The following TTC13 variants were observed in gnomAD, a reference collection of about 807,000 sequenced individuals.
TTC13 encodes tetratricopeptide repeat domain 13, also known as tetratricopeptide repeat protein 13.
A neutral mutation model predicts 120.0 loss-of-function variants in TTC13; 62 were observed. That is an observed-to-expected ratio of 0.52 (90% CI 0.42 to 0.64). The LOEUF (loss-of-function observed/expected upper bound fraction) is 0.64. TTC13 is among the 30% of genes least tolerant of loss of function. The pLI, the probability that TTC13 is intolerant of heterozygous loss-of-function variation, is 0.00. For missense variants in TTC13, 824 were observed against 1,050.2 expected (o/e 0.78, Z 2.98); for synonymous variants, 384 against 393.5 (o/e 0.98, Z 0.28).
At position 230,939,553 on chromosome 1, in the gene TTC13, T is replaced by C. The variant is rs1674367388; in HGVS notation, c.790-57A>G. ...ATAGTATTCATTAGATATGTGAACA[T>C]TTCCTAATTTTTGGCTGGTAGAGAA... On this transcript the variant is annotated intron_variant, in intron 7 of 22. Transcript: ENST00000366661. 3 of 1,194,218 alleles carry C rather than the reference T, an allele frequency of 2.5e-6. No individual in the cohort carries two copies. The East Asian group carries it at 7.2e-5, about 29-fold the overall frequency. The allele number at this position is 1,194,218 out of a possible 1,614,324, so 74.0% of individuals were successfully genotyped here.
intron 5 of TTC13, 132 bp downstream of exon 5, chr1:230,945,257 A>G: frequency 2.4e-6 from 2 of 832,148 alleles, no homozygotes; most frequent in Non-Finnish European, 2.0e-6. Flanking sequence ...CCATTTTCTC[A>G]TCTGTGAACT....
rs932489070 is a variant in TTC13, at chr1:230,942,763, T to C, written c.672+1043A>G. On this transcript the variant is annotated intron_variant, in intron 6 of 22. Transcript: ENST00000366661. The surrounding 1 kb of genome is among the most constrained non-coding windows in gnomAD (Gnocchi z 4.0). ...ATGCCTTTGTACAGACTCTCTTCCC[T>C]GCGCTGAACACTCTCCTCCATCTTG... Among the ~76,000 whole-genome samples the C allele has an allele frequency of 6.6e-6, 1 of 152,198 alleles. No homozygotes were observed. Among genetic ancestry groups the C allele is most frequent in the Non-Finnish European group, 1.5e-5 (1 of 68,012 alleles).
intron 1 of TTC13, among the ~76,000 whole-genome samples, chr1:230,962,947 G>A (rs768854258): frequency 1.3e-5 from 2 of 152,196 alleles, no homozygotes; most frequent in African/African-American, 4.8e-5. Context: ...AGGGACTAGG[G>A]AGAAACTGCT....
chr1:230,967,438 G>A (rs1677234505), intron 1 of TTC13, among the ~76,000 whole-genome samples: 1 of 151,882 alleles, frequency 6.6e-6, no homozygotes, highest in Non-Finnish European at 1.5e-5. Flanking sequence ...AATCAGGAGA[G>A]CTTGCTGACC....
chr1:230,917,405 C>T (rs1672138142), intron 17 of TTC13, among the ~76,000 whole-genome samples: 1 of 152,126 alleles, frequency 6.6e-6, no homozygotes, highest in African/African-American at 2.4e-5. Context: ...GCGTTACTTG[C>T]TAATAAACCG....
chr1:230,978,734 C>CAG lies in TTC13; in HGVS notation c.96_97insCT (p.Gly33LeufsTer64), dbSNP rs1678656729. 7.0e-7 allele frequency: 1 copy of CAG among 1,429,442 alleles called. No individual in the cohort carries two copies. Among genetic ancestry groups the CAG allele is most frequent in the Non-Finnish European group, 9.2e-7 (1 of 1,081,216 alleles). The allele number at this position is 1,429,442 out of a possible 1,614,324, so 88.5% of individuals were successfully genotyped here. A position where few individuals can be genotyped will look rare whatever the true frequency, so the allele number is the denominator to read the frequency against. ...GGCCGCAGCCCGGCGGACAGGACCC[C>CAG]CAGCAGCAGCAGCAGCAGGACACGC... is the stretch of plus-strand genomic sequence containing the variant. On this transcript the variant is annotated frameshift_variant, in exon 1 of 23. Transcript: ENST00000366661. LOFTEE classifies it high-confidence loss of function. The surrounding 1 kb of genome is among the most constrained non-coding windows in gnomAD (Gnocchi z 5.6).
At chr1:230,910,983 CTT>C (rs1455700500) in intron 20 of TTC13, among the ~76,000 whole-genome samples, 1 of 152,138 alleles carries the variant, frequency 6.6e-6, no homozygotes, top group Non-Finnish European at 1.5e-5. Flanking sequence ...AGTCATAGCT[CTT>C]GTTTTAATGA....
In TTC13 at chr1:230,940,665, C is replaced by G; in HGVS notation, c.673-109G>C. 1 of 724,672 alleles carries G rather than the reference C, an allele frequency of 1.4e-6. No individual in the cohort carries two copies. Among genetic ancestry groups the G allele is most frequent in the Non-Finnish European group, 2.4e-6 (1 of 417,294 alleles). The allele number at this position is 724,672 out of a possible 1,614,324, so 44.9% of individuals were successfully genotyped here. ...CACCATACTCCACTCAAAAATTACT[C>G]TCAGCAGGCTGCAATCCTTGACCCC... is the stretch of plus-strand genomic sequence containing the variant. On this transcript the variant is annotated intron_variant, in intron 6 of 22. Coordinates refer to ENST00000366661, the MANE Select transcript of TTC13 (RefSeq NM_024525.5). This position sits in a 1 kb window ranked among gnomAD's most constrained non-coding sequence, Gnocchi z 4.1.
intron 2 of TTC13, 21 bp from the exon 3 acceptor site, chr1:230,958,320 A>AC: frequency 7.2e-7 from 1 of 1,380,004 alleles, no homozygotes; most frequent in Non-Finnish European, 1.0e-6. Flanking sequence ...AAAAAAAAAA[A>AC]CCCATACATT....
chr1:230,913,738 C>T (rs914751260), intron 18 of TTC13, among the ~76,000 whole-genome samples: 12 of 152,174 alleles, frequency 7.9e-5, no homozygotes, highest in Admixed American at 3.9e-4. Context: ...TAGAGAAAAG[C>T]AGGAAAGGTC....
intron 1 of TTC13, among the ~76,000 whole-genome samples, chr1:230,974,935 T>G (rs1460648184): frequency 6.6e-6 from 1 of 152,232 alleles, no homozygotes; most frequent in Non-Finnish European, 1.5e-5. Flanking sequence ...GTTATAGGAC[T>G]TCATCATTAA....
intron 4 of TTC13, among the ~76,000 whole-genome samples, chr1:230,947,121 C>T (rs79130240): frequency 0.033 from 4,986 of 151,904 alleles, 125 homozygotes; most frequent in South Asian, 0.09. Context: ...TTAAGTAATA[C>T]ATGTTTCCCT....
intron 4 of TTC13, among the ~76,000 whole-genome samples, chr1:230,949,708 C>T (rs528337044): frequency 2.0e-5 from 3 of 152,190 alleles, no homozygotes; most frequent in South Asian, 2.1e-4. Flanking sequence ...TGCAGTGGCG[C>T]GATCTTGGCT....
At chr1:230,949,579 C>T (rs995875666) in intron 4 of TTC13, among the ~76,000 whole-genome samples, 3 of 151,206 alleles carry the variant, frequency 2.0e-5, no homozygotes, top group Non-Finnish European at 4.4e-5. Flanking sequence ...TACTACAGCA[C>T]TGAATTGATT....
At chr1:230,957,303 G>A (rs544623945) in intron 3 of TTC13, among the ~76,000 whole-genome samples, 5 of 152,264 alleles carry the variant, frequency 3.3e-5, no homozygotes, top group South Asian at 2.1e-4. Context: ...AGCCAGGCAC[G>A]GTGGTGTGCA....
At chr1:230,935,684 G>T (rs1030868488) in intron 8 of TTC13, among the ~76,000 whole-genome samples, 19 of 152,078 alleles carry the variant, frequency 1.2e-4, no homozygotes, top group African/African-American at 4.3e-4. Context: ...AGTGAGGACT[G>T]GGGGGCTTCA....
intron 12 of TTC13, 150 bp from the exon 13 acceptor site, chr1:230,925,797 C>T: frequency 1.2e-6 from 1 of 800,106 alleles, no homozygotes; most frequent in South Asian, 1.7e-5. Context: ...TGCACCCAAC[C>T]ATACCTCAGC....
Position 230,928,950 on chromosome 1 carries a change from G to C in TTC13, c.1444C>G (p.Gln482Glu). Reference sequence around the variant, plus strand: ...TAAAGCACTTACTTTATGTGGGGTTGCAACCCTGGCTGCTCTTCGTAGTCT... The same window carrying C: ...TAAAGCACTTACTTTATGTGGGGTTCCAACCCTGGCTGCTCTTCGTAGTCT... ...IEDYEEQPGLQPHIKDVLHQN... is the reference protein window; with the variant it reads ...IEDYEEQPGLEPHIKDVLHQN... Residue 482 changes from glutamine to glutamate, a missense_variant, in exon 12 of 23, where the codon CAA becomes GAA. Around this residue, in one of 4 missense-constraint regions of TTC13, gnomAD observed 430 missense variants for 626.8 expected, o/e 0.69. Coordinates refer to ENST00000366661, the MANE Select transcript of TTC13 (RefSeq NM_024525.5). 1 of 1,613,876 alleles carries C rather than the reference G, an allele frequency of 6.2e-7. No individual in the cohort carries two copies. Among genetic ancestry groups the C allele is most frequent in the Non-Finnish European group, 8.5e-7 (1 of 1,179,926 alleles).
In TTC13 at chr1:230,978,805, C is replaced by G; in HGVS notation, c.26G>C (p.Cys9Ser). 6.7e-7 allele frequency: 1 copy of G among 1,493,638 alleles called. No individual in the cohort carries two copies. Among genetic ancestry groups the G allele is most frequent in the East Asian group, 2.7e-5 (1 of 37,026 alleles). 92.5% of individuals were successfully genotyped at this position (1,493,638 alleles called of 1,614,324 possible). A position where few individuals can be genotyped will look rare whatever the true frequency, so the allele number is the denominator to read the frequency against. MAPAGCCC[C>S]CCFWGGAVAA... ...CACAGCGCCGCCCCAGAAGCAGCAG[C>G]AGCAGCAGCAGCCGGCAGGTGCCAT... The change falls in exon 1 of 23, where the codon TGC becomes TCC. Residue 9 changes from cysteine to serine, a missense_variant. Around this residue, in one of 4 missense-constraint regions of TTC13, gnomAD observed 160 missense variants for 137.2 expected, o/e 1.17. Coordinates refer to ENST00000366661, the MANE Select transcript of TTC13 (RefSeq NM_024525.5). The surrounding 1 kb of genome is among the most constrained non-coding windows in gnomAD (Gnocchi z 5.6).
Sources: allele counts gnomAD v4.1 joint callset (sites outside exome capture counted in the v4.1 genomes callset), GRCh38; gene constraint gnomAD v4.1.1; regional missense constraint gnomAD v4.1.1; non-coding constraint Gnocchi (gnomAD v3.1); transcripts MANE v1.5; gene names NCBI Gene and HGNC (gene_info 2026-07-23, HGNC 2026-07-21).